WWOX: variants seen among roughly 807,000 people sequenced by gnomAD.
WWOX encodes the protein WW domain containing oxidoreductase.
In WWOX, 69 loss-of-function variants were observed where a neutral mutation model predicts 46.2. That is an observed-to-expected ratio of 1.49 (90% confidence interval 1.23 to 1.82). The LOEUF is 1.82. Among genes scored for constraint, WWOX ranks in the 40% most tolerant of loss-of-function variants. WWOX has a pLI of 0.00. For missense variants in WWOX, 919 were observed against 542.6 expected, an observed-to-expected ratio of 1.69 and a Z score of -6.89; for synonymous variants, 359 against 202.6, an observed-to-expected ratio of 1.77 and a Z score of -6.56.
intron 8 of WWOX, among the ~76,000 whole-genome samples, chr16:78,869,462 G>T (rs1043743892): frequency 2.6e-5 from 4 of 152,196 alleles, no homozygotes; most frequent in Non-Finnish European, 5.9e-5. Flanking sequence ...CGCAAGAAGT[G>T]CACACAGCCC....
At chr16:79,169,105 C>G (rs117857983) in intron 8 of WWOX, among the ~76,000 whole-genome samples, 22 of 152,316 alleles carry the variant, frequency 1.4e-4, no homozygotes, top group African/African-American at 5.3e-4. Flanking sequence ...ACTTAATCCT[C>G]CACTTCACAA....
chr16:78,819,816 T>A (rs1023076012), intron 8 of WWOX, among the ~76,000 whole-genome samples: 1 of 152,226 alleles, frequency 6.6e-6, no homozygotes, highest in Admixed American at 6.5e-5. Context: ...ATATCTCTGA[T>A]GGTTAAGAGC....
intron 8 of WWOX, among the ~76,000 whole-genome samples, chr16:78,760,527 A>T (rs1326057316): frequency 6.6e-6 from 1 of 152,070 alleles, no homozygotes; most frequent in Non-Finnish European, 1.5e-5. Context: ...CACTCCTCAA[A>T]CCTAAGCTTA....
intron 8 of WWOX, among the ~76,000 whole-genome samples, chr16:78,869,851 C>T (rs1319335823): frequency 6.6e-6 from 1 of 152,218 alleles, no homozygotes; most frequent in Admixed American, 6.5e-5. Flanking sequence ...GTATGTTTAT[C>T]TCCCTTTTAC....
At chr16:78,750,902 C>T (rs1211023443) in intron 8 of WWOX, among the ~76,000 whole-genome samples, 3 of 152,076 alleles carry the variant, frequency 2.0e-5, no homozygotes, top group African/African-American at 7.2e-5. Flanking sequence ...CATTGATGGG[C>T]ACTTAGGATG....
At chr16:78,142,531 T>A (rs2034023367) in intron 4 of WWOX, among the ~76,000 whole-genome samples, 1 of 152,250 alleles carries the variant, frequency 6.6e-6, no homozygotes, top group Admixed American at 6.5e-5. Context: ...TCATTCACCT[T>A]GGATGTGATT....
chr16:78,328,622 T>G (rs528187792), intron 5 of WWOX, among the ~76,000 whole-genome samples: 2 of 152,288 alleles, frequency 1.3e-5, no homozygotes, highest in East Asian at 3.9e-4. Flanking sequence ...GGAAATTAGA[T>G]GAATCCGGAG....
chr16:78,945,831 A>G (rs1004367308), intron 8 of WWOX, among the ~76,000 whole-genome samples: 1 of 152,056 alleles, frequency 6.6e-6, no homozygotes, highest in African/African-American at 2.4e-5. Flanking sequence ...TGGGTTGAGC[A>G]TGGAGGGAAC....
intron 8 of WWOX, among the ~76,000 whole-genome samples, chr16:79,137,361 A>C (rs573406003): frequency 6.6e-6 from 1 of 152,348 alleles, no homozygotes; most frequent in South Asian, 2.1e-4. Flanking sequence ...GTTAGCCTTA[A>C]GTTAACACTA....
intron 8 of WWOX, among the ~76,000 whole-genome samples, chr16:78,518,626 A>T (rs1468765889): frequency 6.6e-6 from 1 of 152,218 alleles, no homozygotes; most frequent in Non-Finnish European, 1.5e-5. Context: ...ACATGTATTT[A>T]CTGGGCATCT....
chr16:78,616,930 A>C (rs1392936856), intron 8 of WWOX, among the ~76,000 whole-genome samples: 2 of 152,192 alleles, frequency 1.3e-5, no homozygotes, highest in Non-Finnish European at 1.5e-5. Flanking sequence ...AGACCACAAT[A>C]ATGTTTTATA....
chr16:78,908,230 G>A (rs886550308), intron 8 of WWOX, among the ~76,000 whole-genome samples: 16 of 152,166 alleles, frequency 1.1e-4, no homozygotes, highest in African/African-American at 3.6e-4. Context: ...TATCAAGACA[G>A]GGGGATTGCC....
chr16:78,733,424 C>T (rs1450489264), intron 8 of WWOX, among the ~76,000 whole-genome samples: 3 of 152,088 alleles, frequency 2.0e-5, no homozygotes, highest in East Asian at 1.9e-4. Flanking sequence ...CACTGCACTC[C>T]AGCCTAAGCA....
At chr16:78,684,579 C>A (rs1032023589) in intron 8 of WWOX, among the ~76,000 whole-genome samples, 1 of 152,144 alleles carries the variant, frequency 6.6e-6, no homozygotes, top group Non-Finnish European at 1.5e-5. Flanking sequence ...GCTGCAACAT[C>A]CCTGGGGTGG....
chr16:78,137,453 C>T (rs937977308), intron 4 of WWOX, among the ~76,000 whole-genome samples: 3 of 152,152 alleles, frequency 2.0e-5, no homozygotes, highest in African/African-American at 7.2e-5. Flanking sequence ...GGAATGAAAG[C>T]AACTAGTGTG....
chr16:78,197,750 A>T (rs1286788998), intron 5 of WWOX, among the ~76,000 whole-genome samples: 1 of 152,142 alleles, frequency 6.6e-6, no homozygotes, highest in Admixed American at 6.5e-5. Context: ...TCTTCACTTG[A>T]CAAATGAGGG....
chr16:78,122,947 T>A (rs982084611), intron 4 of WWOX, among the ~76,000 whole-genome samples: 4 of 152,080 alleles, frequency 2.6e-5, no homozygotes, highest in Non-Finnish European at 5.9e-5. Context: ...GAACCATCTT[T>A]ATATATTTTT....
intron 8 of WWOX, among the ~76,000 whole-genome samples, chr16:78,874,002 C>G (rs746905096): frequency 3.3e-5 from 5 of 151,470 alleles, no homozygotes; most frequent in African/African-American, 4.9e-5. Context: ...TGGCTCATGC[C>G]TGTAATCCCA....
At chr16:79,128,756 C>A (rs1378532781) in intron 8 of WWOX, among the ~76,000 whole-genome samples, 2 of 152,194 alleles carry the variant, frequency 1.3e-5, no homozygotes, top group Middle Eastern at 3.2e-3. Flanking sequence ...CAGTAGGATT[C>A]AATCTGAAGT....
Sources: allele counts gnomAD v4.1 joint callset (sites outside exome capture counted in the v4.1 genomes callset), GRCh38; gene constraint gnomAD v4.1.1; transcripts MANE v1.5; gene names NCBI Gene and HGNC (gene_info 2026-07-23, HGNC 2026-07-21).